The following L2HGDH variants were observed in gnomAD, a reference collection of about 807,000 sequenced individuals.
L2HGDH encodes the protein L-2-hydroxyglutarate dehydrogenase, mitochondrial.
In L2HGDH, 34 loss-of-function variants were observed where a neutral mutation model predicts 51.5. That is an observed-to-expected ratio of 0.66 (90% CI 0.50 to 0.88). The LOEUF (loss-of-function observed/expected upper bound fraction) is 0.88. L2HGDH is among the 40% of genes least tolerant of loss of function. The probability of loss-of-function intolerance (pLI) is 0.00; values close to 1 mark genes in which losing one functional copy is unlikely to be tolerated. For missense variants in L2HGDH, 558 were observed against 571.9 expected (o/e 0.98, Z 0.25); for synonymous variants, 198 against 197.9 (o/e 1.00, Z -0.01).
chr14:50,296,593 TA>T (rs113103736), intron 3 of L2HGDH, among the ~76,000 whole-genome samples: 22,138 of 117,314 alleles, frequency 0.19, 2,012 homozygotes, highest in African/African-American at 0.32. Flanking sequence ...CTTCCCACAT[TA>T]AAAAAAAAAA....
intron 9 of L2HGDH, among the ~76,000 whole-genome samples, chr14:50,258,225 A>C (rs1566505914): frequency 6.6e-6 from 1 of 151,384 alleles, no homozygotes. Context: ...GGGTTATTTT[A>C]TTTTTTTTAG....
chr14:50,266,920 T>C (rs951036540), intron 8 of L2HGDH, among the ~76,000 whole-genome samples: 1 of 152,132 alleles, frequency 6.6e-6, no homozygotes, highest in African/African-American at 2.4e-5. Flanking sequence ...GTCAACACAA[T>C]CGTATTGTTA....
At chr14:50,255,159 C>G (rs982899940) in intron 9 of L2HGDH, among the ~76,000 whole-genome samples, 1 of 152,080 alleles carries the variant, frequency 6.6e-6, no homozygotes, top group Admixed American at 6.6e-5. Flanking sequence ...TTTTCAAGCA[C>G]TTAAGGCAAC....
At chr14:50,266,816 CA>C (rs1889361027) in intron 8 of L2HGDH, among the ~76,000 whole-genome samples, 1 of 152,156 alleles carries the variant, frequency 6.6e-6, no homozygotes, top group African/African-American at 2.4e-5. Context: ...TAGTGATTTT[CA>C]TGTGAAACCC....
At chr14:50,248,191 A>G (rs1888120476) in intron 9 of L2HGDH, among the ~76,000 whole-genome samples, 1 of 152,198 alleles carries the variant, frequency 6.6e-6, no homozygotes, top group Non-Finnish European at 1.5e-5. Context: ...TACAGATGAA[A>G]TTTGAATCCA....
At chr14:50,249,259 G>A (rs1480341872) in intron 9 of L2HGDH, among the ~76,000 whole-genome samples, 1 of 152,190 alleles carries the variant, frequency 6.6e-6, no homozygotes, top group East Asian at 1.9e-4. Context: ...CAACTCCTCA[G>A]CTACTAGCAC....
intron 9 of L2HGDH, among the ~76,000 whole-genome samples, chr14:50,250,574 G>A (rs577813565): frequency 2.0e-5 from 3 of 152,326 alleles, no homozygotes; most frequent in African/African-American, 7.2e-5. Context: ...TTACTGCCCT[G>A]AAGGGAAGGG....
chr14:50,245,619 G>GT lies in L2HGDH; in HGVS notation c.*1438dup. The GT allele has an allele frequency of 1.0e-6, 1 of 973,298 alleles. No homozygotes were observed. Among genetic ancestry groups the GT allele is most frequent in the Non-Finnish European group, 1.2e-6 (1 of 818,998 alleles). 60.3% of individuals were successfully genotyped at this position (973,298 alleles called of 1,614,324 possible). ...TACAAATATTGTTGCTCTAAATAAT[G>GT]TGAGTTTTGTGACTCTTCAAAATTA... On this transcript the variant is annotated 3_prime_UTR_variant, in exon 10 of 10. Coordinates refer to ENST00000267436, the MANE Select transcript of L2HGDH (RefSeq NM_024884.3).
At position 50,245,304 on chromosome 14, in the gene L2HGDH, C is replaced by G; in HGVS notation, c.*1754G>C. The G allele has an allele frequency of 1.0e-6, 1 of 984,686 alleles. No individual in the cohort carries two copies. Among genetic ancestry groups the G allele is most frequent in the Non-Finnish European group, 1.2e-6 (1 of 829,306 alleles). The allele number at this position is 984,686 out of a possible 1,614,324, so 61.0% of individuals were successfully genotyped here. The stretch of plus-strand genomic sequence containing the variant: ...AACTTTTTTAAATTGGAGTTCTATA[C>G]ATCAGTGTCAGGATTCTAAAACTGC... On this transcript the variant is annotated 3_prime_UTR_variant, in exon 10 of 10. Transcript: ENST00000267436.
intron 9 of L2HGDH, among the ~76,000 whole-genome samples, chr14:50,264,865 C>A (rs555522628): frequency 6.6e-6 from 1 of 152,144 alleles, no homozygotes; most frequent in South Asian, 2.1e-4. Flanking sequence ...CACATGTACC[C>A]CAAACCTAAA....
intron 9 of L2HGDH, among the ~76,000 whole-genome samples, chr14:50,255,514 C>T (rs1240729573): frequency 4.6e-5 from 5 of 107,674 alleles, no homozygotes; most frequent in African/African-American, 1.1e-4. Context: ...CCAGCCTGGG[C>T]AACAAGAGCG....
intron 8 of L2HGDH, among the ~76,000 whole-genome samples, chr14:50,267,137 C>CCTTTTA (rs1889381898): frequency 2.7e-5 from 4 of 149,538 alleles, no homozygotes; most frequent in African/African-American, 9.8e-5. Flanking sequence ...GCCTTATCTT[C>CCTTTTA]TTTTTATTTT....
rs200555267 is a variant in L2HGDH, at chr14:50,247,129, G to C, written c.1321C>G (p.Pro441Ala). 1.2e-6 allele frequency: 2 copies of C among 1,614,036 alleles called. No individual in the cohort carries two copies. Among genetic ancestry groups the C allele is most frequent in the Admixed American group, 1.7e-5 (1 of 60,010 alleles). ...RILHVRNAPS[P>A]AATSSIAISG... ...ATTGCAATGGAAGAAGTAGCAGCAGGAGAAGGTGCATTTCTCACATGAAGA... is the reference window on the plus strand; with the variant it reads ...ATTGCAATGGAAGAAGTAGCAGCAGCAGAAGGTGCATTTCTCACATGAAGA... The change falls in exon 10 of 10, where the codon CCT (proline) becomes GCT (alanine). Residue 441 changes from proline to alanine, a missense_variant. Pro to Ala is a conservative substitution (Grantham distance 27). Transcript: ENST00000267436.
rs772292731 is a variant in L2HGDH, at chr14:50,247,249, G to C, written c.1201C>G (p.Pro401Ala). 20 of 1,612,696 alleles carry C rather than the reference G, an allele frequency of 1.2e-5. No individual in the cohort carries two copies. Among genetic ancestry groups the C allele is most frequent in the Admixed American group, 3.3e-5 (2 of 59,810 alleles). Residue 401 changes from proline (P) to alanine (A), a missense_variant, in exon 10 of 10, where the codon CCA becomes GCA. Physicochemically the swap from Pro to Ala is conservative, Grantham distance 27 (BLOSUM62 -1). Coordinates refer to ENST00000267436, the MANE Select transcript of L2HGDH (RefSeq NM_024884.3). ...EITISDILRG[P>A]AGVRAQALDR... ...AGGGCCTGGGCTCTTACTCCAGCTG[G>C]GCCCCTGCAAAAGTAAAAGATGGGA...
intron 3 of L2HGDH, among the ~76,000 whole-genome samples, chr14:50,300,529 A>C (rs1449457651): frequency 6.6e-6 from 1 of 152,134 alleles, no homozygotes; most frequent in Non-Finnish European, 1.5e-5. Flanking sequence ...TCCTGACCTC[A>C]AGTGATCTGC....
intron 1 of L2HGDH, among the ~76,000 whole-genome samples, chr14:50,307,621 A>G (rs1388971214): frequency 6.6e-6 from 1 of 152,230 alleles, no homozygotes; most frequent in Non-Finnish European, 1.5e-5. Context: ...AAATAGTTCA[A>G]TGAAGCCCCA....
At chr14:50,290,975 G>C (rs1003689968) in intron 4 of L2HGDH, among the ~76,000 whole-genome samples, 1 of 151,910 alleles carries the variant, frequency 6.6e-6, no homozygotes, top group Non-Finnish European at 1.5e-5. Context: ...CGAGGTGGGC[G>C]GATCACAAGG....
At chr14:50,291,118 A>G (rs1398094768) in intron 4 of L2HGDH, among the ~76,000 whole-genome samples, 1 of 142,964 alleles carries the variant, frequency 7.0e-6, no homozygotes, top group Admixed American at 7.4e-5. Flanking sequence ...GAATCGCTGA[A>G]CCCAGGGAGA....
rs116782976 is a variant in L2HGDH at position 50,304,014 on chromosome 14, G to A, written c.141-997C>T. On this transcript the variant is annotated intron_variant, in intron 1 of 9. Coordinates refer to ENST00000267436, the MANE Select transcript of L2HGDH (RefSeq NM_024884.3). ...GGTTCTAAGAAATGCATTGGTAGGC[G>A]ATTTCCTTGTGCAAACAGCATAGAA... is the stretch of plus-strand genomic sequence containing the variant. Among the ~76,000 whole-genome samples, 297 of 152,120 alleles carry A rather than the reference G, an allele frequency of 2.0e-3. 1 individual carries two copies. Among genetic ancestry groups the A allele is most frequent in the African/African-American group, 6.3e-3 (260 of 41,482 alleles).
Sources: gnomAD v4.1 joint callset for allele counts (sites outside exome capture counted in the v4.1 genomes callset) on GRCh38, gnomAD v4.1.1 for gene constraint, MANE v1.5 for transcripts, NCBI Gene and HGNC (gene_info 2026-07-23, HGNC 2026-07-21) for gene names.